Variants in CFAP77 observed in about 807,000 individuals in gnomAD.
CFAP77 encodes cilia- and flagella-associated protein 77.
In CFAP77, 25 loss-of-function variants were observed where a neutral mutation model predicts 31.1. The observed-to-expected ratio is 0.80, with a 90% CI of 0.59 to 1.12. CFAP77 has a LOEUF of 1.12. Ranked by LOEUF, CFAP77 falls within the 50% of genes most tolerant of loss-of-function variation. The pLI, the probability that CFAP77 is intolerant of heterozygous loss-of-function variation, is 0.00. For synonymous variants in CFAP77, 151 were observed against 159.9 expected, an observed-to-expected ratio of 0.94 and a Z score of 0.42; for missense variants, 377 against 397.3, an observed-to-expected ratio of 0.95 and a Z score of 0.44.
Position 132,439,613 on chromosome 9 carries a change from A to G in CFAP77, c.195+29147A>G, listed in dbSNP as rs541464850. ...TGTAATCCCAGCACTTTGGGAGGCC[A>G]AGGCGGGCAGATCACGAGGTCAGGA... On this transcript the variant is annotated intron_variant, in intron 1 of 5. Transcript: ENST00000393216. Among the ~76,000 whole-genome samples, 14 of 152,078 alleles carry G rather than the reference A, an allele frequency of 9.2e-5. No homozygotes were observed. In the East Asian group the frequency reaches 1.6e-3, roughly 17 times the overall value.
Position 132,495,833 on chromosome 9 carries a change from C to T in CFAP77, c.196-2862C>T, listed in dbSNP as rs1165041132. ...AAGAGGAAGAAAGCTAACTCTATCT[C>T]TGCTCTCTGCCACGTGAAGATACAA... On this transcript the variant is annotated intron_variant, in intron 1 of 5. Coordinates refer to ENST00000393216, the MANE Select transcript of CFAP77 (RefSeq NM_001282957.2). This position sits in a 1 kb window ranked among gnomAD's most constrained non-coding sequence, Gnocchi z 4.2. 6.6e-6 allele frequency among the ~76,000 whole-genome samples: 1 copy of T among 152,210 alleles called. No individual in the cohort carries two copies. The highest frequency in any genetic ancestry group is 1.9e-4 in the East Asian group (1 of 5,192).
intron 3 of CFAP77, among the ~76,000 whole-genome samples, chr9:132,514,191 T>C (rs1020010378): frequency 2.0e-5 from 3 of 149,120 alleles, no homozygotes; most frequent in African/African-American, 5.0e-5. Flanking sequence ...CCCTGTGTCA[T>C]TGACCACGAG....
At chr9:132,450,222 G>T (rs569021232) in intron 1 of CFAP77, among the ~76,000 whole-genome samples, 2 of 151,490 alleles carry the variant, frequency 1.3e-5, no homozygotes, top group Admixed American at 6.6e-5. Context: ...GAGCCACCAC[G>T]CCCGGCCGAT....
intron 1 of CFAP77, among the ~76,000 whole-genome samples, chr9:132,467,896 G>C (rs1435987368): frequency 6.6e-6 from 1 of 151,674 alleles, no homozygotes; most frequent in African/African-American, 2.4e-5. Context: ...TTTTTTAGTA[G>C]TCACCATCTT....
At chr9:132,449,769 G>A (rs1309618652) in intron 1 of CFAP77, among the ~76,000 whole-genome samples, 1 of 152,206 alleles carries the variant, frequency 6.6e-6, no homozygotes, top group African/African-American at 2.4e-5. Context: ...ATTTTCCAAA[G>A]TGGCTGGACA....
At chr9:132,503,431 T>G (rs1440125022) in intron 3 of CFAP77, among the ~76,000 whole-genome samples, 1 of 152,172 alleles carries the variant, frequency 6.6e-6, no homozygotes, top group African/African-American at 2.4e-5. Flanking sequence ...GGAGTTGGCC[T>G]GGGATGCTAG....
At chr9:132,549,472 C>A (rs1686721087) in intron 5 of CFAP77, among the ~76,000 whole-genome samples, 1 of 152,110 alleles carries the variant, frequency 6.6e-6, no homozygotes, top group Admixed American at 6.6e-5. Flanking sequence ...GTTGACACTT[C>A]CTCTGTAAAT....
rs936384989 is a variant in CFAP77, at chr9:132,498,188, C to A, written c.196-507C>A. On this transcript the variant is annotated intron_variant, in intron 1 of 5. Transcript: ENST00000393216. This position sits in a 1 kb window ranked among gnomAD's most constrained non-coding sequence, Gnocchi z 4.2. Reference sequence around the variant, plus strand: ...GGCAGTGGCCCTGTCACTGTGTCTTCCCCAGGTGAGGATTCGAGGAAGTGA... The same window carrying A: ...GGCAGTGGCCCTGTCACTGTGTCTTACCCAGGTGAGGATTCGAGGAAGTGA... Among the ~76,000 whole-genome samples, 1 of 152,138 alleles carries A rather than the reference C, an allele frequency of 6.6e-6. No homozygotes were observed. Among genetic ancestry groups the A allele is most frequent in the East Asian group, 1.9e-4 (1 of 5,194 alleles).
intron 1 of CFAP77, among the ~76,000 whole-genome samples, chr9:132,456,015 C>T (rs995121291): frequency 6.6e-5 from 10 of 152,180 alleles, no homozygotes; most frequent in African/African-American, 2.2e-4. Context: ...GTGGCACTGC[C>T]GTGGCGATTC....
At position 132,498,017 on chromosome 9, in the gene CFAP77, A is replaced by G. The variant is rs979030443; in HGVS notation, c.196-678A>G. Among the ~76,000 whole-genome samples, 2 of 152,048 alleles carry G rather than the reference A, an allele frequency of 1.3e-5. No homozygotes were observed. The highest frequency in any genetic ancestry group is 4.8e-5 in the African/African-American group (2 of 41,400). On this transcript the variant is annotated intron_variant, in intron 1 of 5. Coordinates refer to ENST00000393216, the MANE Select transcript of CFAP77 (RefSeq NM_001282957.2). The surrounding 1 kb of genome is among the most constrained non-coding windows in gnomAD (Gnocchi z 4.2). Reference sequence around the variant, plus strand: ...TGCCTCTCTAGGCCTCAGTTTCTATAGCTATAAATGGGTGGTGGCGGCAGG... The same window carrying G: ...TGCCTCTCTAGGCCTCAGTTTCTATGGCTATAAATGGGTGGTGGCGGCAGG...
chr9:132,459,767 AGT>A (rs200357066), intron 1 of CFAP77, among the ~76,000 whole-genome samples: 42 of 145,216 alleles, frequency 2.9e-4, no homozygotes, highest in Admixed American at 6.8e-4. Context: ...TGTGTGTATG[AGT>A]GTGTGTGAGA....
At chr9:132,470,986 T>G (rs1310330113) in intron 1 of CFAP77, among the ~76,000 whole-genome samples, 1 of 152,228 alleles carries the variant, frequency 6.6e-6, no homozygotes, top group Non-Finnish European at 1.5e-5. Flanking sequence ...TCAAAAAATT[T>G]TTTTTAAATG....
chr9:132,422,350 G>A (rs1377066075), intron 1 of CFAP77, among the ~76,000 whole-genome samples: 5 of 149,764 alleles, frequency 3.3e-5, no homozygotes, highest in Non-Finnish European at 7.4e-5. Flanking sequence ...CAGACAGTAA[G>A]CCAAGGACTC....
At chr9:132,506,612 C>T (rs1337282252) in intron 3 of CFAP77, among the ~76,000 whole-genome samples, 3 of 151,938 alleles carry the variant, frequency 2.0e-5, no homozygotes, top group Non-Finnish European at 2.9e-5. Flanking sequence ...CAGCCCCTTG[C>T]GCATCAGTGT....
chr9:132,496,467 C>T (rs992618010), intron 1 of CFAP77, among the ~76,000 whole-genome samples: 1 of 152,228 alleles, frequency 6.6e-6, no homozygotes, highest in African/African-American at 2.4e-5. Flanking sequence ...CCCCAAAGAA[C>T]GCCCCTTAGC....
chr9:132,526,017 T>C (rs1475025106), intron 3 of CFAP77, among the ~76,000 whole-genome samples: 1 of 152,222 alleles, frequency 6.6e-6, no homozygotes, highest in Non-Finnish European at 1.5e-5. Context: ...TGTTTTTGTT[T>C]TCCAGTTTTG....
At chr9:132,526,647 C>A (rs1288599205) in intron 3 of CFAP77, among the ~76,000 whole-genome samples, 1 of 141,262 alleles carries the variant, frequency 7.1e-6, no homozygotes, top group African/African-American at 2.6e-5. Flanking sequence ...ATCAAATAGA[C>A]ACAATAAAAA....
intron 1 of CFAP77, among the ~76,000 whole-genome samples, chr9:132,449,898 T>G (rs550688): frequency 0.17 from 14,686 of 88,848 alleles, 1,036 homozygotes; most frequent in East Asian, 0.42. Context: ...TTAAGAGTTT[T>G]TTTGTTTGTT....
chr9:132,498,605 A>T lies in CFAP77; in HGVS notation c.196-90A>T. The T allele has an allele frequency of 1.0e-6, 1 of 957,776 alleles. No homozygotes were observed. Among genetic ancestry groups the T allele is most frequent in the Non-Finnish European group, 1.6e-6 (1 of 619,042 alleles). 59.3% of individuals were successfully genotyped at this position (957,776 alleles called of 1,614,324 possible). On this transcript the variant is annotated intron_variant, in intron 1 of 5. Transcript: ENST00000393216. The surrounding 1 kb of genome is among the most constrained non-coding windows in gnomAD (Gnocchi z 4.2). Reference sequence around the variant, plus strand: ...CCACGGCAGGGCCTGGGGGAAATGCAGGCATCTGGTGCCTCCCTGCTGCCG... The same window carrying T: ...CCACGGCAGGGCCTGGGGGAAATGCTGGCATCTGGTGCCTCCCTGCTGCCG...
Sources: allele counts gnomAD v4.1 joint callset (sites outside exome capture counted in the v4.1 genomes callset), GRCh38; gene constraint gnomAD v4.1.1; non-coding constraint Gnocchi (gnomAD v3.1); transcripts MANE v1.5; gene names NCBI Gene and HGNC (gene_info 2026-07-23, HGNC 2026-07-21).